PLCG2: variants seen among roughly 807,000 people sequenced by gnomAD.
PLCG2 encodes the protein 1-phosphatidylinositol 4,5-bisphosphate phosphodiesterase gamma-2.
In PLCG2, 69 loss-of-function variants were observed where a neutral mutation model predicts 175.6. That is an observed-to-expected ratio of 0.39 (90% CI 0.32 to 0.48). The LOEUF (loss-of-function observed/expected upper bound fraction) is 0.48. PLCG2 is among the 20% of genes least tolerant of loss of function. The pLI is 0.91. For synonymous variants in PLCG2, 827 were observed against 624.0 expected (o/e 1.33, Z -4.85); for missense variants, 1,798 against 1,650.9 (o/e 1.09, Z -1.54).
intron 7 of PLCG2, among the ~76,000 whole-genome samples, chr16:81,879,599 G>A (rs1333295201): frequency 2.0e-5 from 3 of 152,156 alleles, no homozygotes; most frequent in Non-Finnish European, 4.4e-5. Context: ...TCAGCAAGAG[G>A]ACCCTGGGTC....
At position 81,785,950 on chromosome 16, in the gene PLCG2, A is replaced by C; in HGVS notation, c.-40A>C. The C allele has an allele frequency of 6.3e-7, 1 of 1,582,438 alleles. No individual in the cohort carries two copies. Among genetic ancestry groups the C allele is most frequent in the South Asian group, 1.1e-5 (1 of 89,112 alleles). Reference sequence around the variant, plus strand: ...TTAATTCTGCCCTTTCAGCTTCCTGATTTCTCCCGATTCCTTCCTTCTCCC... The same window carrying C: ...TTAATTCTGCCCTTTCAGCTTCCTGCTTTCTCCCGATTCCTTCCTTCTCCC... On this transcript the variant is annotated 5_prime_UTR_variant, in exon 2 of 33. Coordinates refer to ENST00000564138, the MANE Select transcript of PLCG2 (RefSeq NM_002661.5).
rs1302659713 is a variant in PLCG2, at chr16:81,931,644, T to C, written c.2729T>C (p.Ile910Thr). The C allele has an allele frequency of 3.1e-6, 5 of 1,613,644 alleles. No individual in the cohort carries two copies. The highest frequency in any genetic ancestry group is 1.3e-5 in the African/African-American group (1 of 75,010). The part of the protein sequence containing the change: ...FQSIREITWK[I>T]DTKENNMKYW... ...AGCATCCGAGAGATCACCTGGAAGA[T>C]TGACACCAAGGTAGGCACCTGCTCA... The change falls in exon 25 of 33, where the codon ATT (isoleucine) becomes ACT (threonine). Residue 910 changes from isoleucine (I) to threonine (T), a missense_variant. Ile to Thr is a moderately conservative substitution (Grantham distance 89, BLOSUM62 -1). Transcript: ENST00000564138.
At chr16:81,936,498 G>A (rs1910719267) in intron 27 of PLCG2, 120 bp downstream of exon 27, 5 of 777,884 alleles carry the variant, frequency 6.4e-6, no homozygotes, top group Non-Finnish European at 1.1e-5. Context: ...TTGTCCGAGG[G>A]ACTGCACGGT....
chr16:81,783,344 T>A (rs1312139111), intron 1 of PLCG2, among the ~76,000 whole-genome samples: 2 of 152,224 alleles, frequency 1.3e-5, no homozygotes, highest in Non-Finnish European at 2.9e-5. Flanking sequence ...TTAGGGTACA[T>A]GTGCACAACG....
At chr16:81,884,619 GTA>G (rs1555516179) in intron 9 of PLCG2, among the ~76,000 whole-genome samples, 1 of 149,250 alleles carries the variant, frequency 6.7e-6, no homozygotes, top group African/African-American at 2.5e-5. Flanking sequence ...GTGTGTGTGT[GTA>G]CATGTATGCA....
chr16:81,960,636 C>A lies in PLCG2; in HGVS notation c.*2638C>A, dbSNP rs1911746958. ...CAAATTCGATCTCAGAATCTTTTTG[C>A]CAGAAGTGTCTCATGGGACTTATCT... On this transcript the variant is annotated 3_prime_UTR_variant, in exon 33 of 33. Coordinates refer to ENST00000564138, the MANE Select transcript of PLCG2 (RefSeq NM_002661.5). The A allele has an allele frequency of 4.3e-6, 1 of 230,604 alleles. No individual in the cohort carries two copies. The highest frequency in any genetic ancestry group is 5.7e-5 in the Admixed American group (1 of 17,694). The allele number at this position is 230,604 out of a possible 1,614,324, so 14.3% of individuals were successfully genotyped here.
intron 2 of PLCG2, among the ~76,000 whole-genome samples, chr16:81,827,058 C>G (rs1385109010): frequency 6.6e-6 from 1 of 152,190 alleles, no homozygotes; most frequent in Admixed American, 6.5e-5. Context: ...TTCCTAAGCC[C>G]CATGATTGTG....
At chr16:81,894,520 G>C (rs930643870) in intron 12 of PLCG2, among the ~76,000 whole-genome samples, 9 of 152,176 alleles carry the variant, frequency 5.9e-5, no homozygotes, top group African/African-American at 1.9e-4. Context: ...TAGCCTCTCT[G>C]GCTATTTTCC....
chr16:81,954,560 C>A (rs1350730912), intron 31 of PLCG2, among the ~76,000 whole-genome samples: 1 of 152,170 alleles, frequency 6.6e-6, no homozygotes, highest in Non-Finnish European at 1.5e-5. Flanking sequence ...TGTTCAACTC[C>A]CACTTATGAG....
At chr16:81,918,932 G>A (rs1331420720) in intron 19 of PLCG2, among the ~76,000 whole-genome samples, 3 of 151,768 alleles carry the variant, frequency 2.0e-5, no homozygotes, top group African/African-American at 7.3e-5. Flanking sequence ...TGTTTTGCTA[G>A]TTGAGTCACC....
chr16:81,936,195 T>C lies in PLCG2; in HGVS notation c.2869T>C (p.Ser957Pro). Reference sequence around the variant, plus strand: ...AAATCCTGACTTCCGAGAAATCCGCTCCTTTGTGGAGACGAAGGCTGACAG... The same window carrying C: ...AAATCCTGACTTCCGAGAAATCCGCCCCTTTGTGGAGACGAAGGCTGACAG... ...LENPDFREIR[S>P]FVETKADSII... is the part of the protein sequence containing the mutation. The change falls in exon 27 of 33, where the codon TCC becomes CCC. Residue 957 changes from serine to proline, a missense_variant. By Grantham distance (74) the Ser-to-Pro change is moderately conservative. Coordinates refer to ENST00000564138, the MANE Select transcript of PLCG2 (RefSeq NM_002661.5). 6.2e-7 allele frequency: 1 copy of C among 1,614,108 alleles called. No homozygotes were observed.
intron 2 of PLCG2, among the ~76,000 whole-genome samples, chr16:81,792,950 GATA>G (rs1483480574): frequency 5.3e-5 from 8 of 152,184 alleles, no homozygotes; most frequent in African/African-American, 1.7e-4. Context: ...TGTCAAGTGA[GATA>G]ATAGTAGTTT....
chr16:81,866,419 A>T (rs57775883), intron 5 of PLCG2, among the ~76,000 whole-genome samples: 3 of 72,248 alleles, frequency 4.2e-5, no homozygotes, highest in African/African-American at 8.6e-5. Context: ...TGCTCCCAGG[A>T]TGAGCTCCAC....
chr16:81,772,310 G>C (rs903725297), intron 2 of PLCG2, among the ~76,000 whole-genome samples: 1 of 152,134 alleles, frequency 6.6e-6, no homozygotes, highest in Non-Finnish European at 1.5e-5. Flanking sequence ...CCGGGAGAAA[G>C]GCGTGGGGCA....
chr16:81,776,513 C>T (rs1302496883), upstream of PLCG2, among the ~76,000 whole-genome samples: 3 of 152,132 alleles, frequency 2.0e-5, no homozygotes. Flanking sequence ...TGTCATTTTA[C>T]ATTAGAGTCC....
intron 30 of PLCG2, among the ~76,000 whole-genome samples, chr16:81,942,198 C>G (rs191325926): frequency 1.3e-5 from 2 of 152,314 alleles, no homozygotes; most frequent in African/African-American, 2.4e-5. Flanking sequence ...GGATGAGGGC[C>G]TTGAGCCTCA....
intron 2 of PLCG2, among the ~76,000 whole-genome samples, chr16:81,839,144 T>C (rs1157896586): frequency 1.3e-5 from 2 of 152,220 alleles, no homozygotes; most frequent in Non-Finnish European, 1.5e-5. Flanking sequence ...TTACTGGTTT[T>C]CTTTTTGCCA....
At chr16:81,883,166 T>A in intron 8 of PLCG2, 103 bp from the exon 9 acceptor site, 1 of 917,590 alleles carries the variant, frequency 1.1e-6, no homozygotes, top group Admixed American at 1.8e-5. Flanking sequence ...CCAGACTAAG[T>A]GGGGCGTTCT....
intron 26 of PLCG2, chr16:81,935,437 A>T (rs1234028458): frequency 1.5e-6 from 1 of 688,234 alleles, no homozygotes; most frequent in Non-Finnish European, 1.8e-6. Context: ...AAAAAAAAAA[A>T]GACCTTCTAC....
Sources: allele counts gnomAD v4.1 joint callset (sites outside exome capture counted in the v4.1 genomes callset), GRCh38; gene constraint gnomAD v4.1.1; transcripts MANE v1.5; gene names NCBI Gene and HGNC (gene_info 2026-07-23, HGNC 2026-07-21).